MTTP: variants seen among roughly 807,000 people sequenced by gnomAD.
The protein encoded by MTTP is microsomal triglyceride transfer protein large subunit.
A neutral mutation model predicts 90.6 loss-of-function variants in MTTP; 49 were observed. That is an observed-to-expected ratio of 0.54 (90% CI 0.43 to 0.69). MTTP has a LOEUF of 0.69. MTTP is among the 30% of genes least tolerant of loss of function. The probability of loss-of-function intolerance (pLI) is 0.00; values close to 1 mark genes in which losing one functional copy is unlikely to be tolerated. For synonymous variants in MTTP, 347 were observed against 384.2 expected (o/e 0.90, Z 1.13); for missense variants, 945 against 1,067.5 (o/e 0.89, Z 1.60).
intron 4 of MTTP, among the ~76,000 whole-genome samples, chr4:99,590,644 AC>A (rs1464247689): frequency 6.6e-6 from 1 of 151,986 alleles, no homozygotes; most frequent in South Asian, 2.1e-4. Context: ...TAGAAAAGAG[AC>A]CTCTGCTTCT....
intron 1 of MTTP, among the ~76,000 whole-genome samples, chr4:99,577,004 C>T (rs1379983233): frequency 6.6e-6 from 1 of 152,152 alleles, no homozygotes; most frequent in Non-Finnish European, 1.5e-5. Context: ...AGAGCTTAAG[C>T]TTCATCAGCA....
At chr4:99,606,567 A>C (rs1282850545) in intron 10 of MTTP, among the ~76,000 whole-genome samples, 181 bp from the exon 11 acceptor site, 1 of 152,232 alleles carries the variant, frequency 6.6e-6, no homozygotes, top group African/African-American at 2.4e-5. Flanking sequence ...TAAAAAAAGC[A>C]TAACACCTTT....
intron 12 of MTTP, 56 bp downstream of exon 12, chr4:99,609,033 G>C: frequency 6.9e-7 from 1 of 1,448,494 alleles, no homozygotes; most frequent in Non-Finnish European, 9.7e-7. Flanking sequence ...TGTGTTCATG[G>C]GGTACCGATG....
chr4:99,576,618 C>G (rs1198909069), intron 1 of MTTP, among the ~76,000 whole-genome samples: 1 of 144,654 alleles, frequency 6.9e-6, no homozygotes, highest in African/African-American at 2.6e-5. Flanking sequence ...TGGCGTGAAC[C>G]CGGGAGGCGG....
At chr4:99,571,231 A>G (rs1724835229), upstream of MTTP, among the ~76,000 whole-genome samples, 1 of 151,946 alleles carries the variant, frequency 6.6e-6, no homozygotes, top group Non-Finnish European at 1.5e-5. Flanking sequence ...TTATATCTAC[A>G]TATTAAGAAT....
chr4:99,589,234 G>A (rs1272206395), intron 3 of MTTP, among the ~76,000 whole-genome samples: 4 of 150,156 alleles, frequency 2.7e-5, no homozygotes, highest in East Asian at 4.0e-4. Flanking sequence ...TGCCATTTTC[G>A]TCCAAGAACT....
At chr4:99,586,795 T>C (rs374016833) in intron 3 of MTTP, among the ~76,000 whole-genome samples, 2 of 152,252 alleles carry the variant, frequency 1.3e-5, no homozygotes, top group African/African-American at 2.4e-5. Context: ...AAAAACAATA[T>C]GAATGATGCC....
At chr4:99,601,456 A>G (rs1725695454) in intron 9 of MTTP, 151 bp from the exon 10 acceptor site, 2 of 595,834 alleles carry the variant, frequency 3.4e-6, no homozygotes, top group African/African-American at 1.8e-5. Context: ...TAGATAGCAA[A>G]TGTGTAAGTG....
chr4:99,605,423 C>T (rs1405738880), intron 10 of MTTP, among the ~76,000 whole-genome samples: 1 of 152,108 alleles, frequency 6.6e-6, no homozygotes, highest in Non-Finnish European at 1.5e-5. Flanking sequence ...TTCCTTTTGA[C>T]AACTGCCTAG....
chr4:99,622,892 G>T lies in MTTP; in HGVS notation c.*44G>T. 1.3e-6 allele frequency: 2 copies of T among 1,583,252 alleles called. No homozygotes were observed. Among genetic ancestry groups the T allele is most frequent in the Non-Finnish European group, 1.7e-6 (2 of 1,152,110 alleles). On this transcript the variant is annotated 3_prime_UTR_variant, in exon 18 of 18. Coordinates refer to ENST00000265517, the MANE Select transcript of MTTP (RefSeq NM_001386140.1). ...TACTTGAATTTGTCTCCCCGAAAGG[G>T]ACACAATGTGGCATGACTAAGTACT...
At chr4:99,598,139 A>C (rs898845504) in intron 8 of MTTP, among the ~76,000 whole-genome samples, 3 of 152,214 alleles carry the variant, frequency 2.0e-5, no homozygotes, top group Non-Finnish European at 4.4e-5. Context: ...GACATTAAAA[A>C]ATTGATAGGA....
At chr4:99,600,537 A>G in intron 8 of MTTP, 28 bp from the exon 9 acceptor site, 1 of 1,606,090 alleles carries the variant, frequency 6.2e-7, no homozygotes, top group Non-Finnish European at 8.5e-7. Context: ...CTAAACATTG[A>G]TATCCATGAT....
At chr4:99,614,381 G>A (rs951790884) in intron 15 of MTTP, among the ~76,000 whole-genome samples, 7 of 152,170 alleles carry the variant, frequency 4.6e-5, no homozygotes, top group African/African-American at 1.2e-4. Flanking sequence ...GTATTAGACT[G>A]TATTAAAACT....
intron 10 of MTTP, among the ~76,000 whole-genome samples, chr4:99,606,056 T>C (rs1725810085): frequency 1.3e-5 from 2 of 152,178 alleles, no homozygotes; most frequent in South Asian, 2.1e-4. Context: ...CTCTAAAACA[T>C]ATGTAGTGGC....
chr4:99,608,041 C>G (rs938808842), intron 11 of MTTP, among the ~76,000 whole-genome samples: 1 of 152,098 alleles, frequency 6.6e-6, no homozygotes. Context: ...ATATAACTAC[C>G]TTTCCCCAGA....
chr4:99,620,726 CT>C (rs1560627891), intron 16 of MTTP, among the ~76,000 whole-genome samples: 1 of 152,128 alleles, frequency 6.6e-6, no homozygotes, highest in Non-Finnish European at 1.5e-5. Context: ...TATTTCTGAC[CT>C]GCTGAGAGGA....
At chr4:99,591,626 T>A in intron 5 of MTTP, 25 bp from the exon 6 acceptor site, 1 of 1,605,128 alleles carries the variant, frequency 6.2e-7, no homozygotes, top group Non-Finnish European at 8.5e-7. Flanking sequence ...TTACTTGTTA[T>A]AAAGATGGCT....
intron 13 of MTTP, 46 bp downstream of exon 13, chr4:99,611,286 G>A (rs1725946890): frequency 6.2e-7 from 1 of 1,613,788 alleles, no homozygotes. Flanking sequence ...CCACAACTTA[G>A]CATTGCTGGA....
In MTTP at chr4:99,613,237, T is replaced by A. The variant is rs1726008217; in HGVS notation, c.2217+97T>A. ...TCTTGGAGGATACAAGACAAAATTG[T>A]GCCCATCTTGGAGCTCATATTCCAA... On this transcript the variant is annotated intron_variant, in intron 15 of 17. Transcript: ENST00000265517. The A allele has an allele frequency of 3.5e-6, 4 of 1,134,336 alleles. No homozygotes were observed. In the Admixed American group the frequency reaches 5.9e-5, roughly 17 times the overall value. The allele number at this position is 1,134,336 out of a possible 1,614,324, so 70.3% of individuals were successfully genotyped here. A position where few individuals can be genotyped will look rare whatever the true frequency, so the allele number is the denominator to read the frequency against.
Sources: gnomAD v4.1 joint callset for allele counts (sites outside exome capture counted in the v4.1 genomes callset) on GRCh38, gnomAD v4.1.1 for gene constraint, MANE v1.5 for transcripts, NCBI Gene and HGNC (gene_info 2026-07-23, HGNC 2026-07-21) for gene names.